INSC: variants seen among roughly 807,000 people sequenced by gnomAD.
The protein encoded by INSC is protein inscuteable homolog.
Under a neutral mutation model 58.6 loss-of-function variants are expected in INSC, and 67 were observed. The ratio of observed to expected loss-of-function variants is 1.14; its 90% CI spans 0.94 to 1.40. The LOEUF is 1.40. Ranked by LOEUF, INSC falls within the 40% of genes most tolerant of loss-of-function variation. The pLI, the probability that INSC is intolerant of heterozygous loss-of-function variation, is 0.00. For missense variants in INSC, 714 were observed against 692.0 expected, an observed-to-expected ratio of 1.03 and a Z score of -0.36; for synonymous variants, 262 against 276.1, an observed-to-expected ratio of 0.95 and a Z score of 0.51.
At chr11:15,138,303 G>A (rs774007773) in intron 1 of INSC, among the ~76,000 whole-genome samples, 10 of 152,190 alleles carry the variant, frequency 6.6e-5, no homozygotes, top group Non-Finnish European at 1.5e-4. Context: ...GACATAAAGT[G>A]AGCACATACT....
intron 2 of INSC, among the ~76,000 whole-genome samples, chr11:15,162,818 T>G (rs1300280332): frequency 1.3e-5 from 2 of 152,168 alleles, no homozygotes; most frequent in Admixed American, 1.3e-4. Flanking sequence ...GTTTTTAGAA[T>G]AAAGTTCTAT....
chr11:15,205,116 C>T (rs950007525), intron 7 of INSC, among the ~76,000 whole-genome samples: 8 of 152,208 alleles, frequency 5.3e-5, no homozygotes, highest in Non-Finnish European at 8.8e-5. Context: ...TTTAAACTCA[C>T]TCAAATTCCA....
At chr11:15,262,009 G>A in the INSC span, among the ~76,000 whole-genome samples, 1 of 152,064 alleles carries the variant, frequency 6.6e-6, no homozygotes, top group Non-Finnish European at 1.5e-5. Context: ...GAGCTAGCAG[G>A]CTGAAGCAGA....
At chr11:15,194,360 C>T (rs1850294088) in intron 6 of INSC, among the ~76,000 whole-genome samples, 1 of 152,172 alleles carries the variant, frequency 6.6e-6, no homozygotes. Context: ...CTCGGTATCG[C>T]AGTCCCTCAG....
Position 15,168,765 on chromosome 11 carries a change from G to C in INSC, c.57-6976G>C, listed in dbSNP as rs192692006. 3.9e-5 allele frequency among the ~76,000 whole-genome samples: 6 copies of C among 152,294 alleles called. No individual in the cohort carries two copies. In the East Asian group the frequency reaches 9.7e-4, roughly 25 times the overall value. Reference sequence around the variant, plus strand: ...TAAAAGTCAGGATACTGGTTATCCTGGTTGGGGAGTGACTAGAAGGGGCTC... The same window carrying C: ...TAAAAGTCAGGATACTGGTTATCCTCGTTGGGGAGTGACTAGAAGGGGCTC... On this transcript the variant is annotated intron_variant, in intron 2 of 12. Coordinates refer to ENST00000379556, the MANE Select transcript of INSC (RefSeq NM_001042536.3).
chr11:15,145,530 G>A (rs1354155070), intron 1 of INSC, among the ~76,000 whole-genome samples: 5 of 152,146 alleles, frequency 3.3e-5, no homozygotes, highest in African/African-American at 1.2e-4. Context: ...GACTGAAGAT[G>A]GAACTTTGCA....
chr11:15,186,757 T>C (rs1849982673), intron 5 of INSC, among the ~76,000 whole-genome samples: 1 of 152,178 alleles, frequency 6.6e-6, no homozygotes, highest in Non-Finnish European at 1.5e-5. Flanking sequence ...AAGGAAATAC[T>C]GCATCCCCAC....
At position 15,202,291 on chromosome 11, in the gene INSC, G is replaced by A. The variant is rs1175710246; in HGVS notation, c.819+1342G>A. 3.9e-5 allele frequency among the ~76,000 whole-genome samples: 6 copies of A among 152,278 alleles called. No individual in the cohort carries two copies. The South Asian group carries it at 1.0e-3, about 26-fold the overall frequency. On this transcript the variant is annotated intron_variant, in intron 7 of 12. Coordinates refer to ENST00000379556, the MANE Select transcript of INSC (RefSeq NM_001042536.3). ...CCTTCATTGTGCTACTCATTAGGTA[G>A]CGAGGCTCTGAGGAGAGAAGTGATT... is the stretch of plus-strand genomic sequence containing the variant.
At chr11:15,252,784 A>G in the INSC span, among the ~76,000 whole-genome samples, 1 of 152,252 alleles carries the variant, frequency 6.6e-6, no homozygotes, top group Non-Finnish European at 1.5e-5. Context: ...ATTTTCAGAC[A>G]TATTTTAAAA....
chr11:15,221,693 G>A, intron 8 of INSC, 45 bp downstream of exon 8: 1 of 1,541,106 alleles, frequency 6.5e-7, no homozygotes, highest in Non-Finnish European at 8.8e-7. Flanking sequence ...GAGGGCCTTG[G>A]CACAGTTGTC....
At chr11:15,238,716 AG>A (rs1331281738) in intron 10 of INSC, among the ~76,000 whole-genome samples, 1 of 152,168 alleles carries the variant, frequency 6.6e-6, no homozygotes, top group African/African-American at 2.4e-5. Context: ...GCTCCTCCCA[AG>A]TATAGTGACT....
At chr11:15,221,358 C>T (rs1851431415) in intron 7 of INSC, 119 bp from the exon 8 acceptor site, 2 of 1,215,226 alleles carry the variant, frequency 1.6e-6, no homozygotes, top group East Asian at 4.8e-5. Flanking sequence ...CTGGGCTGTT[C>T]TGGGAAGCCA....
At chr11:15,260,825 G>A in the INSC span, among the ~76,000 whole-genome samples, 4 of 152,104 alleles carry the variant, frequency 2.6e-5, no homozygotes, top group African/African-American at 4.8e-5. Flanking sequence ...ATGAGGTAAG[G>A]GCAAGCTGCT....
intron 5 of INSC, among the ~76,000 whole-genome samples, chr11:15,181,364 T>G (rs937678969): frequency 7.9e-5 from 12 of 152,240 alleles, no homozygotes; most frequent in Admixed American, 3.9e-4. Flanking sequence ...AGAAACATTC[T>G]TTTAGCACTA....
At chr11:15,168,212 C>T (rs1307349693) in intron 2 of INSC, among the ~76,000 whole-genome samples, 2 of 152,168 alleles carry the variant, frequency 1.3e-5, no homozygotes, top group Admixed American at 6.5e-5. Context: ...ACTATCAACA[C>T]ATTACCTATG....
chr11:15,192,240 G>C (rs150523814), intron 6 of INSC, among the ~76,000 whole-genome samples: 250 of 152,302 alleles, frequency 1.6e-3, no homozygotes, highest in African/African-American at 5.8e-3. Context: ...GGCTGGGGTG[G>C]TTGTGTCTGT....
At chr11:15,177,203 G>A (rs369657293) in intron 4 of INSC, 40 bp downstream of exon 4, 50 of 1,548,228 alleles carry the variant, frequency 3.2e-5, no homozygotes, top group South Asian at 1.7e-4. Flanking sequence ...CTGCCCACCC[G>A]ACCTCTGGCA....
chr11:15,200,435 C>T, intron 6 of INSC, among the ~76,000 whole-genome samples: 1 of 152,086 alleles, frequency 6.6e-6, no homozygotes, highest in Non-Finnish European at 1.5e-5. Flanking sequence ...AGATTGGTTT[C>T]TAGGACCTGC....
At chr11:15,245,125 C>G (rs747833248) in intron 12 of INSC, among the ~76,000 whole-genome samples, 7 of 152,102 alleles carry the variant, frequency 4.6e-5, no homozygotes, top group African/African-American at 1.7e-4. Context: ...GAGATAAATA[C>G]CTAAAAGCTA....
Sources: gnomAD v4.1 joint callset for allele counts (sites outside exome capture counted in the v4.1 genomes callset) on GRCh38, gnomAD v4.1.1 for gene constraint, MANE v1.5 for transcripts, NCBI Gene and HGNC (gene_info 2026-07-23, HGNC 2026-07-21) for gene names.